GNAO1: variants seen among roughly 807,000 people sequenced by gnomAD.
The protein encoded by GNAO1 is G protein subunit alpha o1.
For synonymous variants in GNAO1, 164 were observed against 180.7 expected, an observed-to-expected ratio of 0.91 and a Z score of 0.74; for missense variants, 166 against 478.7, an observed-to-expected ratio of 0.35 and a Z score of 6.10.
At chr16:56,261,364 C>T (rs947392787) in intron 2 of GNAO1, among the ~76,000 whole-genome samples, 48 of 152,342 alleles carry the variant, frequency 3.2e-4, no homozygotes, top group African/African-American at 1.2e-3. Flanking sequence ...TGGCAAATCT[C>T]AAAGGCACGT....
At chr16:56,334,637 C>A in intron 4 of GNAO1, 92 bp from the exon 5 acceptor site, 1 of 1,386,216 alleles carries the variant, frequency 7.2e-7, no homozygotes, top group Non-Finnish European at 1.0e-6. Context: ...GGGGCCCTGA[C>A]CGAGACTGGA....
intron 2 of GNAO1, among the ~76,000 whole-genome samples, chr16:56,201,055 G>A (rs1247046196): frequency 6.6e-6 from 1 of 152,178 alleles, no homozygotes; most frequent in African/African-American, 2.4e-5. Context: ...TGTCATGGAA[G>A]TAGAGAGGAA....
intron 2 of GNAO1, among the ~76,000 whole-genome samples, chr16:56,237,087 G>A (rs554182469): frequency 6.6e-6 from 1 of 152,278 alleles, no homozygotes; most frequent in South Asian, 2.1e-4. Context: ...TTAGCACATT[G>A]CTTAGCACAA....
intron 2 of GNAO1, among the ~76,000 whole-genome samples, chr16:56,238,901 A>G (rs1478704314): frequency 6.6e-6 from 1 of 152,252 alleles, no homozygotes; most frequent in Non-Finnish European, 1.5e-5. Context: ...GTGTTTTTAA[A>G]CAAAAGCTAG....
intron 6 of GNAO1, chr16:56,344,981 C>T (rs561494525): frequency 1.0e-6 from 1 of 982,368 alleles, no homozygotes; most frequent in African/African-American, 1.7e-5. Context: ...TTCCCAGCCC[C>T]TGGGGACAGA....
chr16:56,288,172 G>A (rs1567470318), intron 3 of GNAO1, among the ~76,000 whole-genome samples: 4 of 152,182 alleles, frequency 2.6e-5, no homozygotes, highest in Admixed American at 6.5e-5. Flanking sequence ...AAATATGGAC[G>A]TGGCCTTCTC....
intron 2 of GNAO1, among the ~76,000 whole-genome samples, chr16:56,220,236 T>G (rs1182295289): frequency 6.6e-6 from 1 of 152,112 alleles, no homozygotes; most frequent in Non-Finnish European, 1.5e-5. Flanking sequence ...CCTACCTGCT[T>G]ACAAAAAAAT....
intron 2 of GNAO1, among the ~76,000 whole-genome samples, chr16:56,255,981 A>C (rs372303249): frequency 6.6e-6 from 1 of 152,188 alleles, no homozygotes. Context: ...TGTAGGGCTC[A>C]TGTGATGTTC....
At chr16:56,300,454 G>A (rs1054135728) in intron 3 of GNAO1, among the ~76,000 whole-genome samples, 1 of 152,202 alleles carries the variant, frequency 6.6e-6, no homozygotes, top group South Asian at 2.1e-4. Context: ...TGGTCACCGT[G>A]CTCCAGGCAC....
chr16:56,257,081 TC>T (rs1430968728), intron 2 of GNAO1, among the ~76,000 whole-genome samples: 1 of 152,168 alleles, frequency 6.6e-6, no homozygotes, highest in Admixed American at 6.5e-5. Context: ...CTCATTAAAT[TC>T]CCTTTTAATA....
At position 56,351,023 on chromosome 16, in the gene GNAO1, C is replaced by T. The variant is rs1483144958; in HGVS notation, c.724-361C>T. Among the ~76,000 whole-genome samples the T allele has an allele frequency of 6.6e-6, 1 of 151,894 alleles. No individual in the cohort carries two copies. The highest frequency in any genetic ancestry group is 2.4e-5 in the African/African-American group (1 of 41,282). ...CACACACAGGCACACATAACAGGTGCATGCACACACACACAGGCACATGCA... is the reference window on the plus strand; with the variant it reads ...CACACACAGGCACACATAACAGGTGTATGCACACACACACAGGCACATGCA... On this transcript the variant is annotated intron_variant, in intron 6 of 8. Coordinates refer to ENST00000262493, the MANE Select transcript of GNAO1 (RefSeq NM_020988.3). This position sits in a 1 kb window ranked among gnomAD's most constrained non-coding sequence, Gnocchi z 6.1.
At chr16:56,350,996 AAC>A (rs1470725632) in intron 6 of GNAO1, among the ~76,000 whole-genome samples, 5 of 151,790 alleles carry the variant, frequency 3.3e-5, no homozygotes, top group African/African-American at 1.2e-4. Flanking sequence ...CATGCACACG[AAC>A]ACACACAGGC....
In GNAO1 at chr16:56,345,053, C is replaced by A. The variant is rs534298077; in HGVS notation, c.724-6331C>A. On this transcript the variant is annotated intron_variant, in intron 6 of 8. Coordinates refer to ENST00000262493, the MANE Select transcript of GNAO1 (RefSeq NM_020988.3). ...TTGGACCCAGGCCAGCACAAACACA[C>A]CCCCCTGTCCCCAACTCTAAAGGGA... The A allele has an allele frequency of 1.4e-4, 134 of 984,802 alleles. No homozygotes were observed. In the African/African-American group the frequency reaches 2.1e-3, roughly 16 times the overall value. 61.0% of individuals were successfully genotyped at this position (984,802 alleles called of 1,614,324 possible).
At chr16:56,197,048 T>C (rs2036239715) in intron 2 of GNAO1, among the ~76,000 whole-genome samples, 2 of 152,238 alleles carry the variant, frequency 1.3e-5, no homozygotes, top group Admixed American at 1.3e-4. Flanking sequence ...CAGTCTTCAC[T>C]TGATCTTAGC....
In GNAO1 at chr16:56,343,994, GC is replaced by G. The variant is rs757133827; in HGVS notation, c.723+7141del. On this transcript the variant is annotated intron_variant, in intron 6 of 8. Transcript: ENST00000262493. ...GCACCCTTGCCCTGCCTGGCCTGCC[GC>G]CCCCCCTCCCCTGGAACCAGGCTCC... 8.2e-4 allele frequency: 1,306 copies of G among 1,600,074 alleles called. 7 individuals carry two copies. Among genetic ancestry groups the G allele is most frequent in the Middle Eastern group, 6.7e-4 (4 of 5,966 alleles).
chr16:56,227,767 G>A (rs990924543), intron 2 of GNAO1, among the ~76,000 whole-genome samples: 14 of 150,102 alleles, frequency 9.3e-5, no homozygotes, highest in Non-Finnish European at 5.9e-5. Context: ...CTCTTTCCCT[G>A]GCTTTATTGG....
chr16:56,237,216 G>T (rs1257800463), intron 2 of GNAO1, among the ~76,000 whole-genome samples: 17 of 152,188 alleles, frequency 1.1e-4, no homozygotes, highest in African/African-American at 3.9e-4. Flanking sequence ...AGAATATGAA[G>T]AATCAAAAGA....
At chr16:56,246,686 G>C (rs1359738699) in intron 2 of GNAO1, among the ~76,000 whole-genome samples, 6 of 152,114 alleles carry the variant, frequency 3.9e-5, no homozygotes, top group Non-Finnish European at 1.5e-5. Context: ...CTTGTTCTCT[G>C]TGTGTCCATG....
intron 2 of GNAO1, among the ~76,000 whole-genome samples, chr16:56,232,835 GAC>G (rs1466179703): frequency 2.6e-5 from 4 of 152,218 alleles, no homozygotes; most frequent in African/African-American, 9.7e-5. Flanking sequence ...TAACCAGAAA[GAC>G]AAAAGACAGC....
Sources: allele counts gnomAD v4.1 joint callset (sites outside exome capture counted in the v4.1 genomes callset), GRCh38; gene constraint gnomAD v4.1.1; non-coding constraint Gnocchi (gnomAD v3.1); transcripts MANE v1.5; gene names NCBI Gene and HGNC (gene_info 2026-07-23, HGNC 2026-07-21).